ATRX: variants seen among roughly 807,000 people sequenced by gnomAD.
The protein encoded by ATRX is ATRX chromatin remodeler.
A neutral mutation model predicts 172.6 loss-of-function variants in ATRX; 12 were observed. The ratio of observed to expected loss-of-function variants is 0.07; its 90% CI spans 0.04 to 0.11. The LOEUF is 0.11. Among genes scored for constraint, ATRX ranks in the 10% least tolerant of loss-of-function variants. The pLI is 1.00. For synonymous variants in ATRX, 674 were observed against 594.7 expected (o/e 1.13, Z -1.94); for missense variants, 1,368 against 1,767.4 (o/e 0.77, Z 4.05).
rs782123132 is a variant in ATRX at position 77,693,861 on chromosome X, T to C, written c.447A>G (p.Arg149=). 8.3e-7 allele frequency: 1 copy of C among 1,210,628 alleles called. No individual in the cohort carries two copies. The highest frequency in any genetic ancestry group is 3.0e-5 in the East Asian group (1 of 33,798). The change falls in exon 6 of 35, where the codon AGA becomes AGG. Residue 149 remains arginine, a synonymous_variant. Coordinates refer to ENST00000373344, the MANE Select transcript of ATRX (RefSeq NM_000489.6). ...TGAGATTTTCAGTTTTCATTTTACT[T>C]CTGCTTCTAAATTCAGGCCCTTTAA... ...DDFKGPEFRS[R]SKMKTENLKK...
At chrX:77,630,396 A>C (rs782032248) in intron 19 of ATRX, among the ~76,000 whole-genome samples, 17 of 112,248 alleles carry the variant, frequency 1.5e-4, no homozygotes, top group African/African-American at 5.5e-4. Context: ...GCCAATCATC[A>C]AATTCAAATG....
chrX:77,596,444 AT>A (rs11456906), intron 25 of ATRX: 56,600 of 109,953 alleles, frequency 0.51, 12,895 homozygotes, highest in Non-Finnish European at 0.68. Context: ...AAAAAAATAA[AT>A]TTTTATTATC....
intron 34 of ATRX, among the ~76,000 whole-genome samples, chrX:77,514,927 C>T (rs958932362): frequency 4.5e-5 from 5 of 111,831 alleles, no homozygotes; most frequent in Non-Finnish European, 7.5e-5. Context: ...AAAATAACAA[C>T]CCCATTAAAA....
At chrX:77,701,394 C>T (rs2072499176) in intron 2 of ATRX, among the ~76,000 whole-genome samples, 1 of 109,863 alleles carries the variant, frequency 9.1e-6, no homozygotes, top group Non-Finnish European at 1.9e-5. Flanking sequence ...CACCTGCAAT[C>T]CTAGCTACTC....
At chrX:77,720,892 A>G (rs1166944619) in intron 1 of ATRX, among the ~76,000 whole-genome samples, 1 of 111,924 alleles carries the variant, frequency 8.9e-6, no homozygotes, top group Non-Finnish European at 1.9e-5. Flanking sequence ...ATTTCAGGCC[A>G]ATATCCCTGA....
intron 15 of ATRX, among the ~76,000 whole-genome samples, chrX:77,646,787 G>A (rs946807568): frequency 5.5e-5 from 6 of 109,526 alleles, no homozygotes; most frequent in African/African-American, 2.0e-4. Context: ...AGCTGGGGTG[G>A]TGGCATGCAC....
chrX:77,666,729 G>A (rs935113393), intron 10 of ATRX, among the ~76,000 whole-genome samples: 1 of 111,611 alleles, frequency 9.0e-6, no homozygotes, highest in African/African-American at 3.2e-5. Context: ...GTGTGGTGGC[G>A]CATGCCTGTA....
chrX:77,645,736 T>C (rs1482899496), intron 15 of ATRX, among the ~76,000 whole-genome samples: 1 of 112,356 alleles, frequency 8.9e-6, no homozygotes, highest in African/African-American at 3.2e-5. Context: ...AAGCATAAAA[T>C]ACAATTATGA....
intron 25 of ATRX, among the ~76,000 whole-genome samples, chrX:77,598,426 G>A (rs1176121657): frequency 2.7e-5 from 3 of 110,921 alleles, no homozygotes; most frequent in East Asian, 2.8e-4. Context: ...ATGTACCCCC[G>A]AATATAAAAG....
At chrX:77,638,990 A>G (rs1817738022) in intron 15 of ATRX, among the ~76,000 whole-genome samples, 1 of 112,423 alleles carries the variant, frequency 8.9e-6, no homozygotes, top group Non-Finnish European at 1.9e-5. Flanking sequence ...TAGCCTGGAT[A>G]TGTAGTAGCT....
intron 27 of ATRX, among the ~76,000 whole-genome samples, chrX:77,576,216 T>C (rs2065609793): frequency 8.9e-6 from 1 of 111,732 alleles, no homozygotes; most frequent in Non-Finnish European, 1.9e-5. Flanking sequence ...GAAGAAAATG[T>C]AGTTACAATA....
At chrX:77,542,832 G>C (rs782624495) in intron 30 of ATRX, among the ~76,000 whole-genome samples, 1 of 112,015 alleles carries the variant, frequency 8.9e-6, no homozygotes, top group Non-Finnish European at 1.9e-5. Context: ...ATGGATTAAA[G>C]ACTTAAACAT....
intron 2 of ATRX, among the ~76,000 whole-genome samples, chrX:77,716,110 A>ATTTTTTTTTTTTTT (rs199639051): frequency 9.2e-5 from 5 of 54,386 alleles, no homozygotes; most frequent in African/African-American, 1.2e-4. Context: ...GTCTCTAAAA[A>ATTTTTTTTTTTTTT]TTTTTTTTTT....
At chrX:77,651,377 T>A (rs1228663283) in intron 15 of ATRX, among the ~76,000 whole-genome samples, 1 of 111,392 alleles carries the variant, frequency 9.0e-6, no homozygotes, top group Non-Finnish European at 1.9e-5. Context: ...TTTAAAAAAC[T>A]GAAATCTTTT....
intron 2 of ATRX, among the ~76,000 whole-genome samples, chrX:77,701,310 G>C (rs782474458): frequency 9.1e-6 from 1 of 110,168 alleles, no homozygotes; most frequent in Non-Finnish European, 1.9e-5. Flanking sequence ...TCAGGAGTTC[G>C]AGACCAGCTT....
intron 30 of ATRX, among the ~76,000 whole-genome samples, chrX:77,535,417 A>G (rs782099325): frequency 8.9e-6 from 1 of 112,211 alleles, no homozygotes; most frequent in East Asian, 2.8e-4. Flanking sequence ...ACACTTAAAG[A>G]ACTAGATACT....
At chrX:77,521,240 A>G in intron 33 of ATRX, 163 bp downstream of exon 33, 1 of 473,024 alleles carries the variant, frequency 2.1e-6, no homozygotes, top group Non-Finnish European at 3.7e-6. Flanking sequence ...ACATCTATGT[A>G]AAATTGCTGG....
chrX:77,684,791 A>T, intron 8 of ATRX, 148 bp downstream of exon 8: 13 of 728,183 alleles, frequency 1.8e-5, no homozygotes, highest in Non-Finnish European at 2.3e-5. Context: ...CTTAAACTAG[A>T]CATAAATCCA....
At chrX:77,728,854 C>T (rs1789418057) in intron 1 of ATRX, among the ~76,000 whole-genome samples, 1 of 106,385 alleles carries the variant, frequency 9.4e-6, no homozygotes, top group Admixed American at 1.0e-4. Context: ...CTCCACCTCC[C>T]GGGTTCAAGC....
Sources: allele counts gnomAD v4.1 joint callset (sites outside exome capture counted in the v4.1 genomes callset), GRCh38; gene constraint gnomAD v4.1.1; transcripts MANE v1.5; gene names NCBI Gene and HGNC (gene_info 2026-07-23, HGNC 2026-07-21).